The following SLC30A5 variants were observed in gnomAD, a reference collection of about 807,000 sequenced individuals.
SLC30A5 encodes proton-coupled zinc antiporter SLC30A5.
A neutral mutation model predicts 79.6 loss-of-function variants in SLC30A5; 33 were observed. The observed-to-expected ratio is 0.41, with a 90% CI of 0.31 to 0.55. The LOEUF (loss-of-function observed/expected upper bound fraction) is 0.55, where lower values mean the gene tolerates loss of function less well. Among genes scored for constraint, SLC30A5 ranks in the 20% least tolerant of loss-of-function variants. The pLI, the probability that SLC30A5 is intolerant of heterozygous loss-of-function variation, is 0.20. For synonymous variants in SLC30A5, 299 were observed against 319.7 expected (o/e 0.94, Z 0.69); for missense variants, 788 against 928.1 (o/e 0.85, Z 1.96).
intron 12 of SLC30A5, 71 bp from the exon 13 acceptor site, chr5:69,121,623 A>C (rs1204476023): frequency 9.2e-7 from 1 of 1,082,714 alleles, no homozygotes; most frequent in Admixed American, 2.7e-5. Flanking sequence ...ATATAGCTAT[A>C]TAATAACTTT....
chr5:69,098,205 T>C lies in SLC30A5; in HGVS notation c.84-2602T>C, dbSNP rs182701764. On this transcript the variant is annotated intron_variant, in intron 1 of 15. Coordinates refer to ENST00000396591, the MANE Select transcript of SLC30A5 (RefSeq NM_022902.5). ...TCTTGTCAAAGGTTATCACTGGACT[T>C]TTCTGTGAAGGTTTAGAAAATTCCC... Among the ~76,000 whole-genome samples the C allele has an allele frequency of 2.0e-4, 31 of 152,232 alleles. No individual in the cohort carries two copies. In the East Asian group the frequency reaches 5.8e-3, roughly 28 times the overall value.
intron 14 of SLC30A5, 144 bp from the exon 15 acceptor site, chr5:69,127,860 G>A (rs925124749): frequency 1.0e-5 from 6 of 599,456 alleles, no homozygotes; most frequent in Non-Finnish European, 1.6e-5. Flanking sequence ...CTGGTTTTTT[G>A]TTTGTTTTGT....
chr5:69,108,296 G>T, intron 4 of SLC30A5, 53 bp from the exon 5 acceptor site: 1 of 1,393,518 alleles, frequency 7.2e-7, no homozygotes, highest in East Asian at 2.3e-5. Flanking sequence ...GAATTCATGC[G>T]TCTTGATAAA....
chr5:69,124,833 G>A (rs1209487745), intron 14 of SLC30A5, among the ~76,000 whole-genome samples: 1 of 152,118 alleles, frequency 6.6e-6, no homozygotes, highest in African/African-American at 2.4e-5. Flanking sequence ...GCCTCCCAAA[G>A]TGCTGGGATT....
Position 69,103,147 on chromosome 5 carries a change from CT to C in SLC30A5, c.273+23del. 2 of 1,418,982 alleles carry C rather than the reference CT, an allele frequency of 1.4e-6. No homozygotes were observed. The highest frequency in any genetic ancestry group is 2.0e-6 in the Non-Finnish European group (2 of 1,012,094). The allele number at this position is 1,418,982 out of a possible 1,614,324, so 87.9% of individuals were successfully genotyped here. On this transcript the variant is annotated intron_variant, in intron 3 of 15. Transcript: ENST00000396591. ...ACACCAGGTAAGATTTTTGCAGAAT[CT>C]TTTATTCCTAGCAGCTTCTCGTTTA...
chr5:69,121,845 A>G lies in SLC30A5; in HGVS notation c.1721A>G (p.His574Arg). Residue 574 changes from histidine (H) to arginine (R), a missense_variant, in exon 13 of 16, where the codon CAT becomes CGT. Physicochemically the swap from His to Arg is conservative, Grantham distance 29 (BLOSUM62 0). Coordinates refer to ENST00000396591, the MANE Select transcript of SLC30A5 (RefSeq NM_022902.5). ...ATGCATGGACACAGTGACCATGGGC[A>G]TGGTCACAGCCACGGATCTGCGGGT... ...HHMHGHSDHGHGHSHGSAGGG... is the reference protein window; with the variant it reads ...HHMHGHSDHGRGHSHGSAGGG... The G allele has an allele frequency of 6.2e-7, 1 of 1,613,902 alleles. No homozygotes were observed. The highest frequency in any genetic ancestry group is 8.5e-7 in the Non-Finnish European group (1 of 1,179,926).
chr5:69,119,889 G>A (rs893791808), intron 12 of SLC30A5, among the ~76,000 whole-genome samples: 13 of 151,618 alleles, frequency 8.6e-5, no homozygotes, highest in Middle Eastern at 3.4e-3. Context: ...GCATGATGGC[G>A]CACACCTGTA....
chr5:69,123,982 G>A (rs576038303), intron 14 of SLC30A5, among the ~76,000 whole-genome samples: 258 of 151,720 alleles, frequency 1.7e-3, no homozygotes, highest in Non-Finnish European at 3.2e-3. Flanking sequence ...GCGTGGTGGC[G>A]GGCACCTGTA....
intron 1 of SLC30A5, among the ~76,000 whole-genome samples, chr5:69,094,786 A>C (rs1457274107): frequency 6.6e-6 from 1 of 152,088 alleles, no homozygotes; most frequent in Non-Finnish European, 1.5e-5. Flanking sequence ...GTTCAGGGGA[A>C]CTTGGATGTT....
At chr5:69,103,184 A>G in intron 3 of SLC30A5, 56 bp downstream of exon 3, 1 of 910,576 alleles carries the variant, frequency 1.1e-6, no homozygotes, top group Non-Finnish European at 1.8e-6. Context: ...GTGGGCCAGG[A>G]GGCAATGCTT....
At position 69,116,800 on chromosome 5, in the gene SLC30A5, C is replaced by G. The variant is rs1746384798; in HGVS notation, c.1281+198C>G. ...ATCCTTAAGGCATGTGCCACCGTGCCCAGCCACTTAAGCAAACAATTTGTG... is the reference window on the plus strand; with the variant it reads ...ATCCTTAAGGCATGTGCCACCGTGCGCAGCCACTTAAGCAAACAATTTGTG... On this transcript the variant is annotated intron_variant, in intron 10 of 15. Transcript: ENST00000396591. This position sits in a 1 kb window ranked among gnomAD's most constrained non-coding sequence, Gnocchi z 4.0. Among the ~76,000 whole-genome samples, 1 of 152,048 alleles carries G rather than the reference C, an allele frequency of 6.6e-6. No individual in the cohort carries two copies. The highest frequency in any genetic ancestry group is 2.1e-4 in the South Asian group (1 of 4,826).
intron 5 of SLC30A5, among the ~76,000 whole-genome samples, chr5:69,111,261 A>G (rs1173692877): frequency 1.5e-4 from 21 of 140,018 alleles, no homozygotes; most frequent in South Asian, 7.0e-4. Flanking sequence ...CAAAGTGCTG[A>G]GATTACAGGT....
intron 1 of SLC30A5, among the ~76,000 whole-genome samples, chr5:69,099,619 C>T (rs1057441355): frequency 6.6e-6 from 1 of 152,170 alleles, no homozygotes; most frequent in Admixed American, 6.5e-5. Flanking sequence ...GTTTCCAATT[C>T]CTGAGCCTTT....
rs531073395 is a variant in SLC30A5, at chr5:69,123,835, C to T, written c.1998+410C>T. On this transcript the variant is annotated intron_variant, in intron 14 of 15. Transcript: ENST00000396591. ...GAATAAGAAAACATACATAAACTTA[C>T]AGAATTAATTAATAGGATCCTACTT... Among the ~76,000 whole-genome samples the T allele has an allele frequency of 7.2e-5, 11 of 152,172 alleles. No homozygotes were observed. The South Asian group carries it at 1.4e-3, about 20-fold the overall frequency.
At position 69,118,555 on chromosome 5, in the gene SLC30A5, T is replaced by C; in HGVS notation, c.1496T>C (p.Ile499Thr). ...ATTAATGGACTTTTTCTAATAGTAA[T>C]AGCGTTTTTTGTGTTTATGGAGTCA... The part of the protein sequence containing the change: ...GFINGLFLIV[I>T]AFFVFMESVA... The change falls in exon 12 of 16, where the codon ATA becomes ACA. Residue 499 changes from isoleucine to threonine, a missense_variant. Ile to Thr is a moderately conservative substitution (Grantham distance 89). This residue lies in a region of SLC30A5 where 626 missense variants were observed against 755.5 expected (regional missense o/e 0.83). Coordinates refer to ENST00000396591, the MANE Select transcript of SLC30A5 (RefSeq NM_022902.5). 1.9e-6 allele frequency: 3 copies of C among 1,604,148 alleles called. No individual in the cohort carries two copies. Among genetic ancestry groups the C allele is most frequent in the Non-Finnish European group, 2.6e-6 (3 of 1,175,518 alleles).
In SLC30A5 at chr5:69,116,290, T is replaced by G. The variant is rs1746371732; in HGVS notation, c.1072+76T>G. 6.6e-7 allele frequency: 1 copy of G among 1,510,484 alleles called. No homozygotes were observed. The highest frequency in any genetic ancestry group is 1.3e-5 in the South Asian group (1 of 75,068). The allele number at this position is 1,510,484 out of a possible 1,614,324, so 93.6% of individuals were successfully genotyped here. ...TTGATGGTCACATCATTTACTTATTTTGGGAAATTCTTCAGTGCTTGCATT... is the reference window on the plus strand; with the variant it reads ...TTGATGGTCACATCATTTACTTATTGTGGGAAATTCTTCAGTGCTTGCATT... On this transcript the variant is annotated intron_variant, in intron 9 of 15. Coordinates refer to ENST00000396591, the MANE Select transcript of SLC30A5 (RefSeq NM_022902.5). The surrounding 1 kb of genome is among the most constrained non-coding windows in gnomAD (Gnocchi z 4.0).
chr5:69,117,168 A>T, intron 10 of SLC30A5, 71 bp from the exon 11 acceptor site: 1 of 1,249,092 alleles, frequency 8.0e-7, no homozygotes, highest in Non-Finnish European at 1.1e-6. Context: ...TTGGATAATT[A>T]AGGGTTAAAA....
At chr5:69,117,650 G>A (rs983419351) in intron 11 of SLC30A5, among the ~76,000 whole-genome samples, 5 of 152,040 alleles carry the variant, frequency 3.3e-5, no homozygotes, top group Admixed American at 6.5e-5. Context: ...GCCAAGGCAG[G>A]CGGATCACCT....
chr5:69,126,488 C>T (rs567836176), intron 14 of SLC30A5, among the ~76,000 whole-genome samples: 3 of 151,918 alleles, frequency 2.0e-5, no homozygotes, highest in African/African-American at 4.8e-5. Flanking sequence ...GTAGGCCAGG[C>T]GTGGCGGCTC....
Sources: allele counts gnomAD v4.1 joint callset (sites outside exome capture counted in the v4.1 genomes callset), GRCh38; gene constraint gnomAD v4.1.1; regional missense constraint gnomAD v4.1.1; non-coding constraint Gnocchi (gnomAD v3.1); transcripts MANE v1.5; gene names NCBI Gene and HGNC (gene_info 2026-07-23, HGNC 2026-07-21).